DENND1A: variants seen among roughly 807,000 people sequenced by gnomAD.
The protein encoded by DENND1A is DENN domain-containing protein 1A.
In DENND1A, 51 loss-of-function variants were observed where a neutral mutation model predicts 113.7. The observed-to-expected ratio is 0.45, with a 90% CI of 0.36 to 0.57. The LOEUF (loss-of-function observed/expected upper bound fraction) is 0.57. Ranked by LOEUF, DENND1A falls within the 20% of genes least tolerant of loss-of-function variation. The pLI, the probability that DENND1A is intolerant of heterozygous loss-of-function variation, is 0.00. For synonymous variants in DENND1A, 565 were observed against 570.8 expected (o/e 0.99, Z 0.14); for missense variants, 1,258 against 1,395.9 (o/e 0.90, Z 1.57).
At chr9:123,576,035 C>T (rs1364750549) in intron 12 of DENND1A, among the ~76,000 whole-genome samples, 2 of 152,158 alleles carry the variant, frequency 1.3e-5, no homozygotes, top group Non-Finnish European at 2.9e-5. Flanking sequence ...GTCATGTTTA[C>T]TCTTTCCCCA....
intron 1 of DENND1A, among the ~76,000 whole-genome samples, chr9:123,920,266 C>T (rs1855981987): frequency 6.6e-6 from 1 of 152,036 alleles, no homozygotes; most frequent in Non-Finnish European, 1.5e-5. Context: ...TCCGTCTCTA[C>T]TAAAAGTACG....
chr9:123,576,945 T>C (rs1408928287), intron 12 of DENND1A, among the ~76,000 whole-genome samples: 1 of 152,220 alleles, frequency 6.6e-6, no homozygotes, highest in Admixed American at 6.5e-5. Context: ...AATCAAAATG[T>C]ATCTTTGTGT....
rs767557607 is a variant in DENND1A at position 123,583,188 on chromosome 9, T to C, written c.848A>G (p.Gln283Arg). ...ACCTACCACGTCGTTTGGGAGGCTC[T>C]GGAGGTCATCGAAGGGGGTTTCCAG... ...NTLETPFDDL[Q>R]SLPNDVISSL... The change falls in exon 12 of 24, where the codon CAG becomes CGG. Residue 283 changes from glutamine to arginine, a missense_variant. This residue lies in a region of DENND1A where 1,159 missense variants were observed against 1,231.7 expected (regional missense o/e 0.94). Transcript: ENST00000394215. The C allele has an allele frequency of 3.7e-6, 6 of 1,613,026 alleles. No homozygotes were observed. The East Asian group carries it at 1.1e-4, about 30-fold the overall frequency.
At chr9:123,652,477 T>G (rs545603057) in intron 8 of DENND1A, among the ~76,000 whole-genome samples, 2 of 152,244 alleles carry the variant, frequency 1.3e-5, no homozygotes, top group African/African-American at 4.8e-5. Context: ...GATGGAACAG[T>G]CTAATAAGCA....
chr9:123,563,070 T>C (rs530175507), intron 12 of DENND1A, among the ~76,000 whole-genome samples: 14 of 152,112 alleles, frequency 9.2e-5, no homozygotes, highest in Admixed American at 2.6e-4. Context: ...AAGAAACTGG[T>C]CTCTGTTGGA....
At chr9:123,402,619 A>G (rs1373454477) in intron 21 of DENND1A, 1 of 534,644 alleles carries the variant, frequency 1.9e-6, no homozygotes, top group African/African-American at 1.9e-5. Context: ...TCAAGGCATC[A>G]CAGGAAGTCA....
At chr9:123,513,082 G>A (rs922726002) in intron 13 of DENND1A, among the ~76,000 whole-genome samples, 4 of 152,322 alleles carry the variant, frequency 2.6e-5, no homozygotes, top group East Asian at 1.9e-4. Context: ...GATTACTACC[G>A]AAATGTCATT....
At chr9:123,917,827 C>G (rs1182719558) in intron 1 of DENND1A, among the ~76,000 whole-genome samples, 1 of 151,982 alleles carries the variant, frequency 6.6e-6, no homozygotes, top group African/African-American at 2.4e-5. Context: ...TACTGGGATC[C>G]TGGCCGGGAA....
At chr9:123,916,179 T>A (rs1431098417) in intron 1 of DENND1A, among the ~76,000 whole-genome samples, 1 of 152,046 alleles carries the variant, frequency 6.6e-6, no homozygotes, top group Non-Finnish European at 1.5e-5. Flanking sequence ...AGTCCATCCA[T>A]CCAATAGAGT....
intron 13 of DENND1A, among the ~76,000 whole-genome samples, chr9:123,541,152 A>G (rs2056259801): frequency 6.6e-6 from 1 of 152,242 alleles, no homozygotes; most frequent in Non-Finnish European, 1.5e-5. Flanking sequence ...CCAAGCATCT[A>G]GAATAGTCCC....
intron 13 of DENND1A, among the ~76,000 whole-genome samples, chr9:123,462,457 T>C (rs2048603978): frequency 6.6e-6 from 1 of 152,168 alleles, no homozygotes; most frequent in Non-Finnish European, 1.5e-5. Flanking sequence ...GCCTCAGTCC[T>C]AAATGCTTGC....
chr9:123,728,920 G>T (rs960313218), intron 5 of DENND1A, among the ~76,000 whole-genome samples: 2 of 152,068 alleles, frequency 1.3e-5, no homozygotes, highest in African/African-American at 4.8e-5. Context: ...TATCCACCAC[G>T]ATCAAGTCAG....
chr9:123,809,838 T>A (rs1474658859), intron 2 of DENND1A, among the ~76,000 whole-genome samples: 1 of 152,062 alleles, frequency 6.6e-6, no homozygotes, highest in Non-Finnish European at 1.5e-5. Context: ...GCCCAGCTAA[T>A]TTCTGTATTT....
At chr9:123,833,121 T>TA (rs1318740777) in intron 2 of DENND1A, among the ~76,000 whole-genome samples, 2 of 25,914 alleles carry the variant, frequency 7.7e-5, no homozygotes, top group Non-Finnish European at 1.2e-4. Flanking sequence ...AGACCTCATC[T>TA]CAAAAAAAAA....
intron 5 of DENND1A, among the ~76,000 whole-genome samples, chr9:123,697,961 A>G (rs898446235): frequency 2.0e-5 from 3 of 152,256 alleles, no homozygotes; most frequent in Admixed American, 1.3e-4. Context: ...TGTCTTACTT[A>G]GGCCACTTTT....
chr9:123,781,618 C>A (rs10453221), intron 3 of DENND1A, among the ~76,000 whole-genome samples: 11,710 of 151,986 alleles, frequency 0.077, 912 homozygotes, highest in African/African-American at 0.2. Context: ...CTTTTCCTGC[C>A]AATTCTACAA....
intron 3 of DENND1A, among the ~76,000 whole-genome samples, chr9:123,772,560 G>A (rs906569286): frequency 5.9e-5 from 9 of 152,122 alleles, no homozygotes; most frequent in Non-Finnish European, 1.0e-4. Context: ...CACATAAATC[G>A]GATCTTGGGG....
At chr9:123,664,056 A>G in intron 8 of DENND1A, among the ~76,000 whole-genome samples, 1 of 152,208 alleles carries the variant, frequency 6.6e-6, no homozygotes, top group South Asian at 2.1e-4. Context: ...ACTACATGTC[A>G]TAAAAAGGAA....
At chr9:123,394,659 C>T (rs2043026010) in intron 21 of DENND1A, among the ~76,000 whole-genome samples, 1 of 152,238 alleles carries the variant, frequency 6.6e-6, no homozygotes, top group Admixed American at 6.5e-5. Flanking sequence ...ACCCGTGCCC[C>T]AGCATGCCCG....
Sources: allele counts gnomAD v4.1 joint callset (sites outside exome capture counted in the v4.1 genomes callset), GRCh38; gene constraint gnomAD v4.1.1; regional missense constraint gnomAD v4.1.1; transcripts MANE v1.5; gene names NCBI Gene and HGNC (gene_info 2026-07-23, HGNC 2026-07-21).